Variants in GRM7 observed in about 807,000 individuals in gnomAD.
GRM7 encodes the protein metabotropic glutamate receptor 7.
Under a neutral mutation model 84.5 loss-of-function variants are expected in GRM7, and 35 were observed. The observed-to-expected ratio is 0.41, with a 90% CI of 0.32 to 0.55. GRM7 has a LOEUF of 0.55. GRM7 is among the 20% of genes least tolerant of loss of function. The pLI is 0.19. For missense variants in GRM7, 1,003 were observed against 1,194.6 expected, an observed-to-expected ratio of 0.84 and a Z score of 2.36; for synonymous variants, 487 against 455.1, an observed-to-expected ratio of 1.07 and a Z score of -0.89.
At chr3:7,063,933 A>G (rs971525428) in intron 1 of GRM7, among the ~76,000 whole-genome samples, 2 of 151,744 alleles carry the variant, frequency 1.3e-5, no homozygotes, top group Non-Finnish European at 2.9e-5. Flanking sequence ...GCAGCTTAAC[A>G]CAATGAAAAT....
chr3:7,237,997 A>G (rs547013945), intron 2 of GRM7, among the ~76,000 whole-genome samples: 1 of 152,298 alleles, frequency 6.6e-6, no homozygotes, highest in Non-Finnish European at 1.5e-5. Flanking sequence ...TTAGCTAGAC[A>G]GAAAAGTTCT....
chr3:7,054,489 C>T (rs970409745), intron 1 of GRM7, among the ~76,000 whole-genome samples: 5 of 151,366 alleles, frequency 3.3e-5, no homozygotes, highest in African/African-American at 9.7e-5. Flanking sequence ...TTAAGTACAA[C>T]GTTAAACTGA....
intron 1 of GRM7, among the ~76,000 whole-genome samples, chr3:6,959,478 A>G (rs141471612): frequency 3.6e-3 from 551 of 152,268 alleles, no homozygotes; most frequent in African/African-American, 0.013. Context: ...AAGTTTTTCT[A>G]TAAATGCTTT....
At chr3:7,287,081 G>C (rs962395476) in intron 2 of GRM7, among the ~76,000 whole-genome samples, 1 of 152,030 alleles carries the variant, frequency 6.6e-6, no homozygotes, top group African/African-American at 2.4e-5. Context: ...CCAAAAACTG[G>C]CATGGTTGAT....
intron 2 of GRM7, among the ~76,000 whole-genome samples, chr3:7,222,157 TA>T (rs1388421564): frequency 6.6e-6 from 1 of 152,106 alleles, no homozygotes; most frequent in Non-Finnish European, 1.5e-5. Flanking sequence ...TCCTTGAAAG[TA>T]TATTTGTGAA....
intron 1 of GRM7, among the ~76,000 whole-genome samples, chr3:6,979,012 C>G (rs1204652544): frequency 6.6e-6 from 1 of 152,022 alleles, no homozygotes; most frequent in African/African-American, 2.4e-5. Context: ...TAGCCCTCAG[C>G]CAAATAGTGA....
chr3:7,297,722 A>G (rs78677232), intron 2 of GRM7, among the ~76,000 whole-genome samples: 15,474 of 152,246 alleles, frequency 0.1, 1,053 homozygotes, highest in Non-Finnish European at 0.16. Flanking sequence ...TCTCCTAAAC[A>G]CATTACACAT....
At chr3:7,240,418 C>A (rs959498186) in intron 2 of GRM7, among the ~76,000 whole-genome samples, 8 of 151,512 alleles carry the variant, frequency 5.3e-5, no homozygotes, top group African/African-American at 1.9e-4. Context: ...TAATTTTAAC[C>A]AAATGACTTA....
chr3:7,670,415 C>T (rs1297156621), intron 8 of GRM7, among the ~76,000 whole-genome samples: 1 of 152,140 alleles, frequency 6.6e-6, no homozygotes, highest in Admixed American at 6.5e-5. Context: ...CATCAGAAAG[C>T]CATTGTCGAT....
In GRM7 at chr3:7,416,746, T is replaced by C. The variant is rs552915976; in HGVS notation, c.1174+1583T>C. On this transcript the variant is annotated intron_variant, in intron 5 of 9. Transcript: ENST00000357716. ...ATATAACAATAGTTCTGAGATATGG[T>C]CCCTAGAATAGTGGGGGAAAAGGGA... Among the ~76,000 whole-genome samples the C allele has an allele frequency of 4.5e-4, 68 of 152,226 alleles. 2 individuals are homozygous for C. The highest frequency in any genetic ancestry group is 1.6e-3 in the African/African-American group (68 of 41,550).
intron 9 of GRM7, among the ~76,000 whole-genome samples, chr3:7,739,517 T>C (rs1702619618): frequency 6.6e-6 from 1 of 152,180 alleles, no homozygotes. Flanking sequence ...TATCACATCA[T>C]TGCAACAGTA....
intron 2 of GRM7, among the ~76,000 whole-genome samples, chr3:7,259,597 T>A (rs1698331667): frequency 6.6e-6 from 1 of 152,240 alleles, no homozygotes; most frequent in Non-Finnish European, 1.5e-5. Context: ...GCTCCATCCA[T>A]GTTCCTGCAA....
chr3:6,962,549 C>T (rs2125083758), intron 1 of GRM7, among the ~76,000 whole-genome samples: 1 of 152,092 alleles, frequency 6.6e-6, no homozygotes, highest in East Asian at 1.9e-4. Flanking sequence ...TCAATGAGGA[C>T]AATAATGATA....
intron 1 of GRM7, among the ~76,000 whole-genome samples, chr3:6,897,103 C>A (rs1234546235): frequency 6.6e-6 from 1 of 152,138 alleles, no homozygotes; most frequent in African/African-American, 2.4e-5. Context: ...CATTTTATTG[C>A]CAACATATAG....
chr3:7,333,360 G>C (rs1701283499), intron 4 of GRM7, among the ~76,000 whole-genome samples: 1 of 152,160 alleles, frequency 6.6e-6, no homozygotes, highest in African/African-American at 2.4e-5. Context: ...TAGCCCCACT[G>C]TAGGGCTAGC....
rs142561309 is a variant in GRM7, at chr3:7,293,034, C to CAAAAAAAAAAAAA, written c.737-5645_737-5633dup. Among the ~76,000 whole-genome samples the CAAAAAAAAAAAAA allele has an allele frequency of 3.1e-3, 371 of 120,492 alleles. 6 individuals are homozygous for CAAAAAAAAAAAAA. The highest frequency in any genetic ancestry group is 0.011 in the African/African-American group (347 of 32,292). The allele number at this position is 120,492 out of a possible 152,430, so 79.0% of individuals were successfully genotyped here. A position where few individuals can be genotyped will look rare whatever the true frequency, so the allele number is the denominator to read the frequency against. On this transcript the variant is annotated intron_variant, in intron 2 of 9. Transcript: ENST00000357716. Reference sequence around the variant, plus strand: ...GGGGGACAAGAGCGAGACTTGGTCTCAAAAAAAAAAAAAAAAATTGAGCTT... The same window carrying CAAAAAAAAAAAAA: ...GGGGGACAAGAGCGAGACTTGGTCTCAAAAAAAAAAAAAAAAAAAAAAAAAAAAAATTGAGCTT...
At chr3:7,521,845 C>G (rs1311369947) in intron 7 of GRM7, among the ~76,000 whole-genome samples, 2 of 152,166 alleles carry the variant, frequency 1.3e-5, no homozygotes, top group Admixed American at 1.3e-4. Flanking sequence ...TCTTTCACCA[C>G]TTTTCTGCAT....
At chr3:6,896,199 T>C (rs1696176708) in intron 1 of GRM7, among the ~76,000 whole-genome samples, 1 of 152,160 alleles carries the variant, frequency 6.6e-6, no homozygotes, top group South Asian at 2.1e-4. Context: ...ATTCTGCTTT[T>C]TTGATGAAAG....
At chr3:6,945,952 G>T (rs1205378059) in intron 1 of GRM7, among the ~76,000 whole-genome samples, 1 of 152,148 alleles carries the variant, frequency 6.6e-6, no homozygotes, top group Admixed American at 6.5e-5. Flanking sequence ...GTAGATTCTG[G>T]ATATTAGCCC....
Sources: allele counts gnomAD v4.1 joint callset (sites outside exome capture counted in the v4.1 genomes callset), GRCh38; gene constraint gnomAD v4.1.1; transcripts MANE v1.5; gene names NCBI Gene and HGNC (gene_info 2026-07-23, HGNC 2026-07-21).